Variants in MAP3K11 observed in about 807,000 individuals in gnomAD.
MAP3K11 encodes SH3 domain-containing proline-rich kinase.
In MAP3K11, 46 loss-of-function variants were observed where a neutral mutation model predicts 84.9. That is an observed-to-expected ratio of 0.54 (90% CI 0.43 to 0.69). The LOEUF is 0.69. Ranked by LOEUF, MAP3K11 falls within the 30% of genes least tolerant of loss-of-function variation. The pLI is 0.00. For synonymous variants in MAP3K11, 527 were observed against 514.7 expected, an observed-to-expected ratio of 1.02 and a Z score of -0.32; for missense variants, 1,053 against 1,198.3, an observed-to-expected ratio of 0.88 and a Z score of 1.79.
intron 8 of MAP3K11, among the ~76,000 whole-genome samples, chr11:65,601,926 G>A (rs551169350): frequency 2.0e-4 from 30 of 150,960 alleles, no homozygotes; most frequent in Non-Finnish European, 3.7e-4. Context: ...AGAGTTGGCC[G>A]GGTGCGGTGG....
chr11:65,603,511 C>G (rs745592257), intron 8 of MAP3K11, among the ~76,000 whole-genome samples: 6 of 152,332 alleles, frequency 3.9e-5, no homozygotes, highest in Non-Finnish European at 8.8e-5. Flanking sequence ...CCAGAACAGC[C>G]CACTGGGGAC....
At chr11:65,599,874 C>T (rs1854437255) in intron 8 of MAP3K11, 106 bp from the exon 9 acceptor site, 2 of 1,239,790 alleles carry the variant, frequency 1.6e-6, no homozygotes, top group South Asian at 2.7e-5. Flanking sequence ...CTGCCCTCTA[C>T]TAGCATCTTC....
chr11:65,613,038 C>T lies in MAP3K11; in HGVS notation c.719G>A (p.Arg240His). The T allele has an allele frequency of 6.6e-7, 1 of 1,521,152 alleles. No individual in the cohort carries two copies. 94.2% of individuals were successfully genotyped at this position (1,521,152 alleles called of 1,614,324 possible). ...CTCACTGTTGTTGGACTTGAGATCA[C>T]GGTGGATGACGGGCACCAGGGCCTC... Reference protein sequence around the residue: ...HCEALVPVIHRDLKSNNILLL... With the variant: ...HCEALVPVIHHDLKSNNILLL... Residue 240 changes from arginine (R) to histidine (H), a missense_variant, in exon 1 of 10, where the codon CGT (arginine) becomes CAT (histidine). Around this residue, in one of 3 missense-constraint regions of MAP3K11, gnomAD observed 310 missense variants for 464.5 expected, o/e 0.67. Transcript: ENST00000309100.
chr11:65,599,396 C>T lies in MAP3K11; in HGVS notation c.2204G>A (p.Arg735His), dbSNP rs369239714. The change falls in exon 9 of 10, where the codon CGC becomes CAC. Residue 735 changes from arginine to histidine, a missense_variant and splice_region_variant. Coordinates refer to ENST00000309100, the MANE Select transcript of MAP3K11 (RefSeq NM_002419.4). Reference protein sequence around the residue: ...AKSPRREEEPRGGTVSPPPGT... With the variant: ...AKSPRREEEPHGGTVSPPPGT... ...CAGGCCGGCTTCAGGCCACTCACCGCGGGGCTCCTCCTCACGTCGGGGGCT... is the reference window on the plus strand; with the variant it reads ...CAGGCCGGCTTCAGGCCACTCACCGTGGGGCTCCTCCTCACGTCGGGGGCT... 32 of 1,534,422 alleles carry T rather than the reference C, an allele frequency of 2.1e-5. No individual in the cohort carries two copies. Among genetic ancestry groups the T allele is most frequent in the East Asian group, 5.3e-5 (2 of 37,878 alleles).
chr11:65,602,905 A>C (rs1854470664), intron 8 of MAP3K11, among the ~76,000 whole-genome samples: 1 of 152,102 alleles, frequency 6.6e-6, no homozygotes, highest in Admixed American at 6.5e-5. Flanking sequence ...ACTTAAGCGC[A>C]GCCCAGCCTG....
Position 65,599,759 on chromosome 11 carries a change from G to A in MAP3K11, c.1841C>T (p.Pro614Leu), listed in dbSNP as rs771189864. 5.6e-6 allele frequency: 9 copies of A among 1,592,974 alleles called. No individual in the cohort carries two copies. The highest frequency in any genetic ancestry group is 2.2e-5 in the East Asian group (1 of 44,616). ...STPPALNGNP[P>L]RPSLEPEEPK... ...CTCCTCGGGCTCCAGGCTAGGCCGC[G>A]GGGGGTTACCTGCGGGCAGAGGCGG... Residue 614 changes from proline (P) to leucine (L), a missense_variant, in exon 9 of 10, where the codon CCG becomes CTG. This residue lies in a region of MAP3K11 where 583 missense variants were observed against 566.6 expected (regional missense o/e 1.03). Coordinates refer to ENST00000309100, the MANE Select transcript of MAP3K11 (RefSeq NM_002419.4).
At chr11:65,602,816 AG>A (rs1191063820) in intron 8 of MAP3K11, among the ~76,000 whole-genome samples, 35 of 151,746 alleles carry the variant, frequency 2.3e-4, no homozygotes, top group African/African-American at 8.2e-4. Context: ...AAAAAAAAAA[AG>A]AAAATAGCAA....
In MAP3K11 at chr11:65,608,034, C is replaced by G. The variant is rs375938376; in HGVS notation, c.957G>C (p.Glu319Asp). 74 of 1,614,098 alleles carry G rather than the reference C, an allele frequency of 4.6e-5. No homozygotes were observed. The highest frequency in any genetic ancestry group is 2.7e-5 in the African/African-American group (2 of 74,938). ...GGCAGTCAATGCCACGGTATGGCAC[C>G]TCCCCGGTCAGCAGTTCCCACAGCA... ...GVLLWELLTG[E>D]VPYRGIDCLA... Residue 319 changes from glutamate (E) to aspartate (D), a missense_variant, in exon 3 of 10, where the codon GAG becomes GAC. Around this residue, in one of 3 missense-constraint regions of MAP3K11, gnomAD observed 310 missense variants for 464.5 expected, o/e 0.67. Transcript: ENST00000309100.
chr11:65,604,886 C>G (rs1489530614), intron 8 of MAP3K11, among the ~76,000 whole-genome samples: 1 of 152,116 alleles, frequency 6.6e-6, no homozygotes, highest in African/African-American at 2.4e-5. Context: ...GAGGCCATAA[C>G]TCTCTGGCCT....
intron 8 of MAP3K11, among the ~76,000 whole-genome samples, chr11:65,601,556 A>T (rs574886289): frequency 6.6e-5 from 10 of 151,898 alleles, no homozygotes; most frequent in African/African-American, 1.9e-4. Flanking sequence ...GGAGATCGAG[A>T]CCATCCTGGC....
At chr11:65,607,031 C>T (rs893253262) in intron 5 of MAP3K11, 8 of 650,652 alleles carry the variant, frequency 1.2e-5, no homozygotes, top group Middle Eastern at 8.5e-4. Flanking sequence ...CCCACTAGAC[C>T]TTCCCAGAAC....
Position 65,607,661 on chromosome 11 carries a change from C to T in MAP3K11, c.1225G>A (p.Glu409Lys), listed in dbSNP as rs752024811. The T allele has an allele frequency of 2.2e-5, 36 of 1,609,434 alleles. No homozygotes were observed. The Admixed American group carries it at 6.0e-4, about 27-fold the overall frequency. The change falls in exon 4 of 10, where the codon GAG becomes AAG. Residue 409 changes from glutamate to lysine, a missense_variant. Physicochemically the swap from Glu to Lys is moderately conservative, Grantham distance 56. Transcript: ENST00000309100. The part of the protein sequence containing the change: ...WKREIQGLFD[E>K]LRAKEKELLS... ...CGCACCTTTTCCTTGGCTCGCAGCTCGTCGAAGAGACCCTGGATCTCGCGC... is the reference window on the plus strand; with the variant it reads ...CGCACCTTTTCCTTGGCTCGCAGCTTGTCGAAGAGACCCTGGATCTCGCGC...
chr11:65,598,606 C>T lies in MAP3K11; in HGVS notation c.2229G>A (p.Pro743=), dbSNP rs775219665. ...EPRGGTVSPP[P]GTSRSAPGTP... is the part of the protein sequence containing the mutation. ...TGCCAGGAGCAGAGCGTGATGTCCC[C>T]GGTGGGGGTGAGACAGTGCCTCCTG... The change falls in exon 10 of 10, where the codon CCG becomes CCA. Residue 743 remains proline, a synonymous_variant. Transcript: ENST00000309100. 106 of 1,549,760 alleles carry T rather than the reference C, an allele frequency of 6.8e-5. 2 individuals carry two copies. The Middle Eastern group carries it at 1.9e-3, about 27-fold the overall frequency.
At chr11:65,605,607 C>T (rs1308660058) in intron 8 of MAP3K11, 154 bp downstream of exon 8, 13 of 576,960 alleles carry the variant, frequency 2.3e-5, no homozygotes, top group Non-Finnish European at 3.8e-5. Flanking sequence ...GTTCCAGGAT[C>T]GGCTCTGTCT....
chr11:65,605,023 GC>G (rs1280697413), intron 8 of MAP3K11, among the ~76,000 whole-genome samples: 1 of 152,180 alleles, frequency 6.6e-6, no homozygotes, highest in Non-Finnish European at 1.5e-5. Flanking sequence ...TCAAGTGAAA[GC>G]TTCTGAGCTC....
intron 8 of MAP3K11, among the ~76,000 whole-genome samples, chr11:65,605,229 C>A (rs1294113676): frequency 2.6e-5 from 4 of 152,162 alleles, no homozygotes; most frequent in Admixed American, 6.5e-5. Flanking sequence ...AGAAAGGCCC[C>A]GAGCTATCCT....
intron 8 of MAP3K11, 107 bp from the exon 9 acceptor site, chr11:65,599,875 T>A: frequency 8.1e-7 from 1 of 1,237,592 alleles, no homozygotes; most frequent in Non-Finnish European, 1.1e-6. Flanking sequence ...TGCCCTCTAC[T>A]AGCATCTTCC....
intron 5 of MAP3K11, 134 bp from the exon 6 acceptor site, chr11:65,606,938 C>A: frequency 1.6e-6 from 1 of 621,848 alleles, no homozygotes; most frequent in Non-Finnish European, 2.8e-6. Flanking sequence ...TGTGACCAGC[C>A]TCACTGCTTT....
In MAP3K11 at chr11:65,598,265, G is replaced by A. The variant is rs1427931354; in HGVS notation, c.*26C>T. ...GCTGTGACTCCTCCTAAGGCAGCTG[G>A]AGCTCGGGGGAGTGGCCTGGCCCAC... On this transcript the variant is annotated 3_prime_UTR_variant, in exon 10 of 10. Transcript: ENST00000309100. 7 of 1,422,206 alleles carry A rather than the reference G, an allele frequency of 4.9e-6. No homozygotes were observed. The highest frequency in any genetic ancestry group is 6.4e-6 in the Non-Finnish European group (7 of 1,085,672). The allele number at this position is 1,422,206 out of a possible 1,614,324, so 88.1% of individuals were successfully genotyped here. A position where few individuals can be genotyped will look rare whatever the true frequency, so the allele number is the denominator to read the frequency against.
Sources: allele counts gnomAD v4.1 joint callset (sites outside exome capture counted in the v4.1 genomes callset), GRCh38; gene constraint gnomAD v4.1.1; regional missense constraint gnomAD v4.1.1; transcripts MANE v1.5; gene names NCBI Gene and HGNC (gene_info 2026-07-23, HGNC 2026-07-21).